Variants in RRP1 observed in about 807,000 individuals in gnomAD.
RRP1 encodes the protein ribosomal RNA processing 1.
RRP1 carries 37 observed loss-of-function variants against 54.6 expected under a neutral mutation model. The observed-to-expected ratio is 0.68, with a 90% CI of 0.52 to 0.89. The LOEUF (loss-of-function observed/expected upper bound fraction) is 0.89. Among genes scored for constraint, RRP1 ranks in the 40% least tolerant of loss-of-function variants. The pLI, the probability that RRP1 is intolerant of heterozygous loss-of-function variation, is 0.00. For synonymous variants in RRP1, 262 were observed against 244.3 expected (o/e 1.07, Z -0.67); for missense variants, 639 against 612.5 (o/e 1.04, Z -0.46).
In RRP1 at chr21:43,792,627, C is replaced by T. The variant is rs1042359284; in HGVS notation, c.217-45C>T. On this transcript the variant is annotated intron_variant, in intron 2 of 12. Transcript: ENST00000497547. ...GTTGCGTGTGTGTCATTGTGAGAGC[C>T]TGGTGCTTCAGGGGCTGAGGGCGTT... is the stretch of plus-strand genomic sequence containing the variant. 1.0e-5 allele frequency: 16 copies of T among 1,597,690 alleles called. No homozygotes were observed. In the Admixed American group the frequency reaches 2.3e-4, roughly 23 times the overall value.
rs2084937390 is a variant in RRP1, at chr21:43,789,754, G to C, written c.125G>C (p.Arg42Pro). The C allele has an allele frequency of 1.3e-6, 2 of 1,519,536 alleles. No individual in the cohort carries two copies. Among genetic ancestry groups the C allele is most frequent in the African/African-American group, 2.9e-5 (2 of 69,330 alleles). The allele number at this position is 1,519,536 out of a possible 1,614,324, so 94.1% of individuals were successfully genotyped here. The change falls in exon 1 of 13, where the codon CGG (arginine) becomes CCG (proline). Residue 42 changes from arginine (R) to proline (P), a missense_variant. Physicochemically the swap from Arg to Pro is moderately radical, Grantham distance 103. Transcript: ENST00000497547. ...LRKYIVARTQ[R>P]AAGGFTHDEL... ...AAATACATCGTCGCCAGGACTCAGC[G>C]GGCCGCAGGTTGGCGGGGGTGTGGG...
intron 12 of RRP1, 95 bp downstream of exon 12, chr21:43,802,482 C>T (rs2085105075): frequency 2.1e-6 from 2 of 968,024 alleles, no homozygotes; most frequent in Non-Finnish European, 3.3e-6. Context: ...CCCCCTGAAG[C>T]ATGAGTGCCG....
rs2123422673 is a variant in RRP1 at position 43,802,317 on chromosome 21, C to T, written c.1053C>T (p.Arg351=). Residue 351 remains arginine, a synonymous_variant, in exon 12 of 13, where the codon CGC becomes CGT. Coordinates refer to ENST00000497547, the MANE Select transcript of RRP1 (RefSeq NM_003683.6). ...EDEIPEKACR[R]LLEGRRQKKT... is the part of the protein sequence containing the mutation. The stretch of plus-strand genomic sequence containing the variant: ...AGATCCCAGAGAAGGCCTGCAGGCG[C>T]CTGCTTGAAGGGAGGCGGCAGAAGA... The T allele has an allele frequency of 6.2e-7, 1 of 1,613,874 alleles. No homozygotes were observed.
At chr21:43,795,166 G>A (rs1354606163) in intron 4 of RRP1, 23 bp from the exon 5 acceptor site, 3 of 1,612,710 alleles carry the variant, frequency 1.9e-6, no homozygotes, top group Admixed American at 1.7e-5. Flanking sequence ...TTCTGCTAAT[G>A]CCAACCTCCT....
At chr21:43,800,413 C>T in intron 9 of RRP1, 104 bp from the exon 10 acceptor site, 2 of 1,026,854 alleles carry the variant, frequency 1.9e-6, no homozygotes, top group African/African-American at 1.6e-5. Flanking sequence ...GGTGGAGAAC[C>T]TGCAAGTGGG....
In RRP1 at chr21:43,789,735, A is replaced by G; in HGVS notation, c.106A>G (p.Ile36Val). ...DRAVRKLRKY[I>V]VARTQRAAGG... ...GGCGGTGAGGAAGCTCCGGAAATACATCGTCGCCAGGACTCAGCGGGCCGC... is the reference window on the plus strand; with the variant it reads ...GGCGGTGAGGAAGCTCCGGAAATACGTCGTCGCCAGGACTCAGCGGGCCGC... The change falls in exon 1 of 13, where the codon ATC becomes GTC. Residue 36 changes from isoleucine to valine, a missense_variant. Physicochemically the swap from Ile to Val is conservative, Grantham distance 29. Transcript: ENST00000497547. 6.5e-7 allele frequency: 1 copy of G among 1,537,078 alleles called. No homozygotes were observed. Among genetic ancestry groups the G allele is most frequent in the Non-Finnish European group, 8.8e-7 (1 of 1,141,388 alleles).
chr21:43,800,832 G>A lies in RRP1; in HGVS notation c.990-30G>A, dbSNP rs749697728. The A allele has an allele frequency of 7.4e-6, 12 of 1,613,076 alleles. No individual in the cohort carries two copies. The Admixed American group carries it at 1.3e-4, about 18-fold the overall frequency. ...CTCCTCCTGCGGAAGCCGCAGCTGT[G>A]GTAAGTGGGTATCTGTCTTACTCTT... is the stretch of plus-strand genomic sequence containing the variant. On this transcript the variant is annotated intron_variant, in intron 10 of 12. Coordinates refer to ENST00000497547, the MANE Select transcript of RRP1 (RefSeq NM_003683.6).
chr21:43,797,826 G>A, intron 7 of RRP1, 81 bp from the exon 8 acceptor site: 1 of 1,567,190 alleles, frequency 6.4e-7, no homozygotes, highest in Admixed American at 1.7e-5. Flanking sequence ...TGGGTGGGGA[G>A]AGGTTGCAGG....
rs893459474 is a variant in RRP1, at chr21:43,804,084, C to T, written c.*310C>T. The T allele has an allele frequency of 1.2e-5, 3 of 256,876 alleles. No homozygotes were observed. The highest frequency in any genetic ancestry group is 9.1e-5 in the South Asian group (1 of 10,944). The allele number at this position is 256,876 out of a possible 1,614,324, so 15.9% of individuals were successfully genotyped here. A position where few individuals can be genotyped will look rare whatever the true frequency, so the allele number is the denominator to read the frequency against. ...GTGGGGGGTTCAGAAAATAAAATGC[C>T]GCGCAGCCCTTGCCAGGGGAAGTGT... On this transcript the variant is annotated 3_prime_UTR_variant, in exon 13 of 13. Transcript: ENST00000497547. The surrounding 1 kb of genome is among the most constrained non-coding windows in gnomAD (Gnocchi z 4.3).
At position 43,804,030 on chromosome 21, in the gene RRP1, T is replaced by G; in HGVS notation, c.*256T>G. 2.1e-6 allele frequency: 1 copy of G among 475,294 alleles called. No homozygotes were observed. 29.4% of individuals were successfully genotyped at this position (475,294 alleles called of 1,614,324 possible). On this transcript the variant is annotated 3_prime_UTR_variant, in exon 13 of 13. Coordinates refer to ENST00000497547, the MANE Select transcript of RRP1 (RefSeq NM_003683.6). The surrounding 1 kb of genome is among the most constrained non-coding windows in gnomAD (Gnocchi z 4.3). ...GGTCAAACTCCGAAGACTGAAACTC[T>G]GCCTGCAGCAGGACTGGCCGCCCCT... is the stretch of plus-strand genomic sequence containing the variant.
chr21:43,792,619 G>T (rs2084972298), intron 2 of RRP1, 53 bp from the exon 3 acceptor site: 10 of 1,582,888 alleles, frequency 6.3e-6, no homozygotes, highest in Non-Finnish European at 7.8e-6. Flanking sequence ...GTGTGTCATT[G>T]TGAGAGCCTG....
intron 11 of RRP1, 62 bp from the exon 12 acceptor site, chr21:43,802,212 C>A: frequency 2.5e-6 from 3 of 1,210,350 alleles, no homozygotes; most frequent in East Asian, 2.3e-5. Flanking sequence ...CTGGAAGCAG[C>A]GAGCCTCAAA....
intron 11 of RRP1, among the ~76,000 whole-genome samples, chr21:43,801,629 C>T (rs1055823760): frequency 7.2e-5 from 11 of 152,292 alleles, no homozygotes; most frequent in East Asian, 5.8e-4. Flanking sequence ...CACGCCACCA[C>T]GCCGGCTAAT....
At chr21:43,803,125 T>C (rs2123423767) in intron 12 of RRP1, among the ~76,000 whole-genome samples, 1 of 152,348 alleles carries the variant, frequency 6.6e-6, no homozygotes, top group South Asian at 2.1e-4. Flanking sequence ...TCATTTCCCA[T>C]GAGGCAGTGG....
chr21:43,797,761 T>G (rs1464334508), intron 7 of RRP1, 66 bp downstream of exon 7: 11 of 1,591,120 alleles, frequency 6.9e-6, no homozygotes, highest in South Asian at 4.4e-5. Flanking sequence ...GCTGCTGTTG[T>G]GGGGGTGCTG....
At chr21:43,793,541 G>A (rs1295868842) in intron 4 of RRP1, 137 bp downstream of exon 4, 17 of 677,424 alleles carry the variant, frequency 2.5e-5, no homozygotes, top group Non-Finnish European at 3.6e-5. Flanking sequence ...AGGTGGAGCC[G>A]AGACTCTGGG....
At position 43,797,439 on chromosome 21, in the gene RRP1, T is replaced by G; in HGVS notation, c.440T>G (p.Leu147Arg). The change falls in exon 6 of 13, where the codon CTA becomes CGA. Residue 147 changes from leucine (L) to arginine (R), a missense_variant. Leu to Arg is a moderately radical substitution (Grantham distance 102, BLOSUM62 -2). Transcript: ENST00000497547. ...GWEERQIEELLELLMTEILHP... is the reference protein window; with the variant it reads ...GWEERQIEELRELLMTEILHP... ...TTCCTCAGACAGATCGAGGAGCTGC[T>G]AGAGCTGCTGATGACTGAGATCCTG... The G allele has an allele frequency of 6.2e-7, 1 of 1,612,700 alleles. No homozygotes were observed. The highest frequency in any genetic ancestry group is 8.5e-7 in the Non-Finnish European group (1 of 1,179,932).
chr21:43,800,703 C>T, intron 10 of RRP1, 89 bp downstream of exon 10: 1 of 1,514,486 alleles, frequency 6.6e-7, no homozygotes. Flanking sequence ...TTGTCCTGGG[C>T]CCTTCCGCAG....
intron 9 of RRP1, among the ~76,000 whole-genome samples, chr21:43,800,242 G>A (rs2085071388): frequency 6.6e-6 from 1 of 152,248 alleles, no homozygotes; most frequent in South Asian, 2.1e-4. Context: ...GCTACCGGCG[G>A]GCGTGTGCCC....
Sources: allele counts gnomAD v4.1 joint callset (sites outside exome capture counted in the v4.1 genomes callset), GRCh38; gene constraint gnomAD v4.1.1; non-coding constraint Gnocchi (gnomAD v3.1); transcripts MANE v1.5; gene names NCBI Gene and HGNC (gene_info 2026-07-23, HGNC 2026-07-21).